The following KLC1 variants were observed in gnomAD, a reference collection of about 807,000 sequenced individuals.
The protein encoded by KLC1 is kinesin light chain 1.
A neutral mutation model predicts 84.2 loss-of-function variants in KLC1; 30 were observed. That is an observed-to-expected ratio of 0.36 (90% CI 0.27 to 0.48). The LOEUF (loss-of-function observed/expected upper bound fraction) is 0.48. Ranked by LOEUF, KLC1 falls within the 20% of genes least tolerant of loss-of-function variation. KLC1 has a pLI of 0.99. For missense variants in KLC1, 499 were observed against 805.4 expected (o/e 0.62, Z 4.60); for synonymous variants, 289 against 293.3 (o/e 0.99, Z 0.15).
At chr14:103,692,510 G>C in intron 15 of KLC1, 85 bp downstream of exon 15, 2 of 1,171,892 alleles carry the variant, frequency 1.7e-6, no homozygotes, top group Non-Finnish European at 2.4e-6. Context: ...GCCCCTGCTC[G>C]GCCCCTGCTC....
chr14:103,656,438 TC>T (rs774750889), intron 2 of KLC1, among the ~76,000 whole-genome samples: 8 of 152,242 alleles, frequency 5.3e-5, no homozygotes, highest in Non-Finnish European at 8.8e-5. Context: ...CCTGATAACT[TC>T]TGGCTCTGTC....
At chr14:103,632,060 TG>T (rs2076728934) in intron 1 of KLC1, among the ~76,000 whole-genome samples, 1 of 152,190 alleles carries the variant, frequency 6.6e-6, no homozygotes, top group Admixed American at 6.5e-5. Context: ...ACCAACTGAA[TG>T]GCAGGTACTG....
chr14:103,649,959 T>C (rs918614337), intron 1 of KLC1, among the ~76,000 whole-genome samples: 2 of 152,156 alleles, frequency 1.3e-5, no homozygotes, highest in Admixed American at 6.5e-5. Context: ...CCTCCCAAAG[T>C]GCTGGGATTA....
chr14:103,698,621 G>A (rs1595615925), intron 15 of KLC1: 1 of 657,106 alleles, frequency 1.5e-6, no homozygotes, highest in East Asian at 2.7e-5. Flanking sequence ...CCCCAGCTCA[G>A]ATGGGGGTCA....
chr14:103,679,460 G>T lies in KLC1; in HGVS notation c.1565G>T (p.Arg522Leu). Reference sequence around the variant, plus strand: ...GAGAACATGGAGAAGCGCAGGAGCCGTGAGAGCCTCAACGTGGACGTGGTC... The same window carrying T: ...GAGAACATGGAGAAGCGCAGGAGCCTTGAGAGCCTCAACGTGGACGTGGTC... ...DPENMEKRRSRESLNVDVVKY... is the reference protein window; with the variant it reads ...DPENMEKRRSLESLNVDVVKY... The change falls in exon 13 of 17, where the codon CGT (arginine) becomes CTT (leucine). Residue 522 changes from arginine to leucine, a missense_variant. Coordinates refer to ENST00000334553, the MANE Select transcript of KLC1 (RefSeq NM_001394837.1). 6.2e-7 allele frequency: 1 copy of T among 1,614,170 alleles called. No homozygotes were observed. The highest frequency in any genetic ancestry group is 8.5e-7 in the Non-Finnish European group (1 of 1,180,036).
chr14:103,646,507 A>G (rs1462978737), intron 1 of KLC1, among the ~76,000 whole-genome samples: 2 of 152,116 alleles, frequency 1.3e-5, no homozygotes, highest in African/African-American at 2.4e-5. Flanking sequence ...GTATGCATAT[A>G]TATGTGTATA....
At chr14:103,679,196 G>A in intron 12 of KLC1, 188 bp from the exon 13 acceptor site, 2 of 681,962 alleles carry the variant, frequency 2.9e-6, no homozygotes, top group East Asian at 2.7e-5. Flanking sequence ...GTTCCTCTGA[G>A]GGGTCCTTTG....
chr14:103,633,677 C>T (rs562657234), intron 1 of KLC1, among the ~76,000 whole-genome samples: 31 of 152,046 alleles, frequency 2.0e-4, no homozygotes, highest in African/African-American at 7.0e-4. Context: ...CTCTGAGCAC[C>T]CCACCCTGTC....
intron 1 of KLC1, among the ~76,000 whole-genome samples, chr14:103,649,930 C>T (rs1028828239): frequency 6.6e-6 from 1 of 152,048 alleles, no homozygotes; most frequent in Admixed American, 6.6e-5. Context: ...CTCCTGACCT[C>T]GTGATCCGCC....
intron 1 of KLC1, among the ~76,000 whole-genome samples, chr14:103,634,691 GTC>G (rs2076924771): frequency 6.6e-6 from 1 of 152,070 alleles, no homozygotes; most frequent in Non-Finnish European, 1.5e-5. Context: ...GGACTGAGAA[GTC>G]TCTATGGATT....
chr14:103,641,531 C>T (rs528920859), intron 1 of KLC1, among the ~76,000 whole-genome samples: 3 of 152,174 alleles, frequency 2.0e-5, no homozygotes, highest in South Asian at 2.1e-4. Context: ...TGCATGCTAC[C>T]GACTTCTAGA....
At chr14:103,691,615 C>T (rs1345850732) in intron 14 of KLC1, among the ~76,000 whole-genome samples, 1 of 151,812 alleles carries the variant, frequency 6.6e-6, no homozygotes, top group Non-Finnish European at 1.5e-5. Flanking sequence ...ATTACAGGCA[C>T]ATGCCACCAT....
intron 1 of KLC1, among the ~76,000 whole-genome samples, chr14:103,653,356 C>G (rs1294340608): frequency 6.6e-6 from 1 of 152,194 alleles, no homozygotes; most frequent in Non-Finnish European, 1.5e-5. Flanking sequence ...GAGTCTCGCT[C>G]TGTCACCCAG....
chr14:103,639,566 C>T (rs2077332270), intron 1 of KLC1, among the ~76,000 whole-genome samples: 1 of 152,148 alleles, frequency 6.6e-6, no homozygotes, highest in African/African-American at 2.4e-5. Context: ...CCTTAGCCTC[C>T]TGAGTAGCTG....
intron 9 of KLC1, among the ~76,000 whole-genome samples, chr14:103,675,308 G>C (rs2080786967): frequency 6.6e-6 from 1 of 152,160 alleles, no homozygotes; most frequent in African/African-American, 2.4e-5. Context: ...CTGGGCAACA[G>C]AGTGAGACTC....
At chr14:103,685,939 G>T (rs2081747596) in intron 13 of KLC1, 5 of 1,115,508 alleles carry the variant, frequency 4.5e-6, no homozygotes, top group Admixed American at 4.7e-5. Context: ...GTTCACTTTG[G>T]TAACAGGTAG....
At chr14:103,679,636 C>T (rs1191329006) in intron 13 of KLC1, 91 bp downstream of exon 13, 5 of 896,152 alleles carry the variant, frequency 5.6e-6, no homozygotes, top group Non-Finnish European at 8.7e-6. Flanking sequence ...GCTAGACCTT[C>T]TGCTTTTCTC....
intron 14 of KLC1, among the ~76,000 whole-genome samples, chr14:103,689,980 A>C (rs2081997864): frequency 6.6e-6 from 1 of 151,972 alleles, no homozygotes; most frequent in South Asian, 2.1e-4. Flanking sequence ...AGGAGTTTGA[A>C]ACCAGCCTGG....
intron 1 of KLC1, among the ~76,000 whole-genome samples, chr14:103,638,904 T>G (rs2077270501): frequency 6.6e-6 from 1 of 151,844 alleles, no homozygotes; most frequent in Non-Finnish European, 1.5e-5. Context: ...CACAAGGGTG[T>G]GTGTGTGTGT....
Sources: allele counts gnomAD v4.1 joint callset (sites outside exome capture counted in the v4.1 genomes callset), GRCh38; gene constraint gnomAD v4.1.1; transcripts MANE v1.5; gene names NCBI Gene and HGNC (gene_info 2026-07-23, HGNC 2026-07-21).